PPM1D: variants seen among roughly 807,000 people sequenced by gnomAD.
PPM1D encodes protein phosphatase 1D.
A neutral mutation model predicts 58.3 loss-of-function variants in PPM1D; 52 were observed. The observed-to-expected ratio is 0.89, with a 90% CI of 0.71 to 1.12. The LOEUF is 1.12. Ranked by LOEUF, PPM1D falls within the 50% of genes most tolerant of loss-of-function variation. PPM1D has a pLI of 0.00. For missense variants in PPM1D, 564 were observed against 777.2 expected (o/e 0.73, Z 3.26); for synonymous variants, 278 against 285.1 (o/e 0.98, Z 0.25).
At chr17:60,660,659 G>A (rs1204962840) in intron 5 of PPM1D, among the ~76,000 whole-genome samples, 1 of 151,766 alleles carries the variant, frequency 6.6e-6, no homozygotes, top group Non-Finnish European at 1.5e-5. Context: ...TACTCGGGAG[G>A]GTGAGGTGGG....
chr17:60,608,302 T>C (rs942499713), intron 1 of PPM1D, among the ~76,000 whole-genome samples: 4 of 152,188 alleles, frequency 2.6e-5, no homozygotes, highest in African/African-American at 9.7e-5. Context: ...ATCTTTATAT[T>C]ATGAAATATT....
At chr17:60,622,970 G>A (rs1223170177) in intron 1 of PPM1D, among the ~76,000 whole-genome samples, 2 of 152,092 alleles carry the variant, frequency 1.3e-5, no homozygotes, top group East Asian at 1.9e-4. Context: ...GGTGGCAGGC[G>A]CCTGTAATAC....
chr17:60,619,334 T>C (rs2030651091), intron 1 of PPM1D, among the ~76,000 whole-genome samples: 1 of 152,184 alleles, frequency 6.6e-6, no homozygotes, highest in Non-Finnish European at 1.5e-5. Context: ...TGAATAATTC[T>C]GCAGGGAGTG....
At chr17:60,633,786 A>G in intron 2 of PPM1D, 67 bp from the exon 3 acceptor site, 1 of 1,389,052 alleles carries the variant, frequency 7.2e-7, no homozygotes, top group Non-Finnish European at 9.9e-7. Flanking sequence ...GTGATTTAAT[A>G]TACTGAGCTA....
chr17:60,608,106 G>A (rs151200105), intron 1 of PPM1D, among the ~76,000 whole-genome samples: 66 of 152,054 alleles, frequency 4.3e-4, no homozygotes, highest in Middle Eastern at 6.8e-3. Context: ...TAAATTATAC[G>A]TTCTGAAAGA....
At chr17:60,658,158 C>T (rs1205981999) in intron 5 of PPM1D, among the ~76,000 whole-genome samples, 1 of 152,100 alleles carries the variant, frequency 6.6e-6, no homozygotes, top group Non-Finnish European at 1.5e-5. Context: ...TGTATATTTG[C>T]GTATTTCTGA....
chr17:60,600,288 G>T lies in PPM1D; in HGVS notation c.-127G>T. On this transcript the variant is annotated 5_prime_UTR_variant, in exon 1 of 6. Coordinates refer to ENST00000305921, the MANE Select transcript of PPM1D (RefSeq NM_003620.4). ...ACATCGCGCGCCCCCCCTTCTCCGG[G>T]TCCGCCCCCTCCCCCTTCTCGGCGT... The T allele has an allele frequency of 6.9e-7, 1 of 1,443,782 alleles. No homozygotes were observed. Among genetic ancestry groups the T allele is most frequent in the Non-Finnish European group, 9.1e-7 (1 of 1,104,364 alleles). 89.4% of individuals were successfully genotyped at this position (1,443,782 alleles called of 1,614,324 possible). A position where few individuals can be genotyped will look rare whatever the true frequency, so the allele number is the denominator to read the frequency against.
intron 1 of PPM1D, among the ~76,000 whole-genome samples, chr17:60,611,582 C>T (rs2030456101): frequency 6.6e-6 from 1 of 151,906 alleles, no homozygotes. Flanking sequence ...CAATGCCTGA[C>T]TAATTTTTGT....
rs771453009 is a variant in PPM1D, at chr17:60,633,912, A to G, written c.761A>G (p.Asn254Ser). ...TGGAAACGACCTCGACTCACTCACA[A>G]TGGACCTGTTAGAAGGAGCACAGTT... The part of the protein sequence containing the change: ...VVWKRPRLTH[N>S]GPVRRSTVID... Residue 254 changes from asparagine (N) to serine (S), a missense_variant, in exon 3 of 6, where the codon AAT (asparagine) becomes AGT (serine). By Grantham distance (46) the Asn-to-Ser change is conservative. Transcript: ENST00000305921. 4 of 1,613,936 alleles carry G rather than the reference A, an allele frequency of 2.5e-6. No homozygotes were observed. Among genetic ancestry groups the G allele is most frequent in the South Asian group, 2.2e-5 (2 of 91,080 alleles).
intron 2 of PPM1D, among the ~76,000 whole-genome samples, chr17:60,630,880 G>C (rs183363651): frequency 1.5e-4 from 23 of 152,272 alleles, no homozygotes; most frequent in Non-Finnish European, 3.2e-4. Flanking sequence ...CAGAATGTTG[G>C]CATCTTATAA....
chr17:60,654,586 G>T (rs1184863899), intron 4 of PPM1D, among the ~76,000 whole-genome samples: 1 of 151,568 alleles, frequency 6.6e-6, no homozygotes, highest in Non-Finnish European at 1.5e-5. Context: ...AGGCAGCCGG[G>T]CACGGCGGTT....
chr17:60,658,366 A>T (rs553954940), intron 5 of PPM1D, among the ~76,000 whole-genome samples: 4 of 152,276 alleles, frequency 2.6e-5, no homozygotes, highest in African/African-American at 7.2e-5. Context: ...AAAATTACTT[A>T]AGCTGGGCAC....
intron 3 of PPM1D, among the ~76,000 whole-genome samples, chr17:60,635,887 T>C (rs780897116): frequency 1.3e-5 from 2 of 152,242 alleles, no homozygotes; most frequent in African/African-American, 4.8e-5. Context: ...AAAACATTTT[T>C]TATGTACACA....
At chr17:60,602,779 GAA>G (rs34932283) in intron 1 of PPM1D, among the ~76,000 whole-genome samples, 12,744 of 95,852 alleles carry the variant, frequency 0.13, 585 homozygotes, top group East Asian at 0.18. Flanking sequence ...CTCAAAGCTT[GAA>G]AAAAAAAAAA....
intron 3 of PPM1D, among the ~76,000 whole-genome samples, chr17:60,645,526 A>ATGTG (rs1257744181): frequency 1.0e-4 from 14 of 139,418 alleles, no homozygotes; most frequent in African/African-American, 3.3e-4. Context: ...ATATATGTAT[A>ATGTG]TATATATGTG....
intron 1 of PPM1D, among the ~76,000 whole-genome samples, chr17:60,621,885 C>CAA (rs774187907): frequency 0.047 from 5,719 of 122,124 alleles, 453 homozygotes; most frequent in African/African-American, 0.16. Flanking sequence ...AGAGTTATCT[C>CAA]AAAAAAAAAA....
At chr17:60,624,168 T>C (rs2030758395) in intron 2 of PPM1D, among the ~76,000 whole-genome samples, 1 of 152,224 alleles carries the variant, frequency 6.6e-6, no homozygotes, top group Admixed American at 6.5e-5. Flanking sequence ...CCAGTTATTG[T>C]TTTCTTTGTT....
At position 60,629,909 on chromosome 17, in the gene PPM1D, A is replaced by G. The variant is rs370548885; in HGVS notation, c.702-3944A>G. On this transcript the variant is annotated intron_variant, in intron 2 of 5. Transcript: ENST00000305921. ...AAAAATATTATCCAGGCGTAGTGGC[A>G]TGTTCCCGTAATCCCAGCTACTCGG... 7.2e-5 allele frequency among the ~76,000 whole-genome samples: 11 copies of G among 152,186 alleles called. No homozygotes were observed. In the East Asian group the frequency reaches 1.9e-3, roughly 27 times the overall value.
At chr17:60,612,942 A>T (rs974639203) in intron 1 of PPM1D, among the ~76,000 whole-genome samples, 15 of 152,200 alleles carry the variant, frequency 9.9e-5, no homozygotes, top group African/African-American at 3.6e-4. Context: ...TCTTTGAAGG[A>T]TGCGACAGTG....
Sources: gnomAD v4.1 joint callset for allele counts (sites outside exome capture counted in the v4.1 genomes callset) on GRCh38, gnomAD v4.1.1 for gene constraint, MANE v1.5 for transcripts, NCBI Gene and HGNC (gene_info 2026-07-23, HGNC 2026-07-21) for gene names.